FIRRM: variants seen among roughly 807,000 people sequenced by gnomAD.
FIRRM encodes the protein FIGNL1 interacting regulator of recombination and mitosis.
At chr1:169,846,497 T>C in the FIRRM span, among the ~76,000 whole-genome samples, 2 of 152,192 alleles carry the variant, frequency 1.3e-5, no homozygotes, top group Admixed American at 1.3e-4. Context: ...AAATATATTG[T>C]TTAATGCAAC....
the FIRRM span, chr1:169,830,796 T>G: frequency 6.8e-7 from 1 of 1,471,696 alleles, no homozygotes; most frequent in Non-Finnish European, 9.5e-7. Flanking sequence ...TGCACTTCCT[T>G]TGGGGATATG....
chr1:169,814,447 G>T, the FIRRM span, among the ~76,000 whole-genome samples: 1 of 152,100 alleles, frequency 6.6e-6, no homozygotes, highest in Non-Finnish European at 1.5e-5. Context: ...ACTTCCTGTT[G>T]CTGTTACTGT....
At chr1:169,789,069 G>C in the FIRRM span, among the ~76,000 whole-genome samples, 2 of 152,282 alleles carry the variant, frequency 1.3e-5, no homozygotes, top group Admixed American at 1.3e-4. Flanking sequence ...ACAAAGCACA[G>C]AGCAACTTCT....
chr1:169,785,757 G>C, the FIRRM span, among the ~76,000 whole-genome samples: 1 of 152,130 alleles, frequency 6.6e-6, no homozygotes, highest in East Asian at 1.9e-4. Flanking sequence ...TTCTCACTTA[G>C]GGCTATAGAT....
the FIRRM span, chr1:169,823,523 A>G: frequency 1.7e-6 from 2 of 1,169,146 alleles, no homozygotes; most frequent in African/African-American, 1.6e-5. Context: ...CATCTGTGCC[A>G]TGCAGTGCTT....
the FIRRM span, chr1:169,852,322 C>A: frequency 3.4e-6 from 1 of 296,106 alleles, no homozygotes; most frequent in African/African-American, 2.2e-5. Context: ...AACTGAAGAT[C>A]ACATCTACTT....
the FIRRM span, chr1:169,842,496 T>C: frequency 1.9e-6 from 3 of 1,614,010 alleles, no homozygotes; most frequent in Non-Finnish European, 8.5e-7. Flanking sequence ...ACTGCAATTA[T>C]CGAAGTTGTG....
chr1:169,827,631 C>G, the FIRRM span: 1 of 1,517,468 alleles, frequency 6.6e-7, no homozygotes, highest in Non-Finnish European at 9.1e-7. Context: ...GAGTGAGACT[C>G]TGACTCAAAC....
At chr1:169,790,045 T>C in the FIRRM span, among the ~76,000 whole-genome samples, 15 of 152,324 alleles carry the variant, frequency 9.8e-5, no homozygotes, top group East Asian at 2.7e-3. Context: ...TAAATGATAC[T>C]GTTACATGAG....
the FIRRM span, chr1:169,853,935 T>G: frequency 4.1e-5 from 32 of 778,826 alleles, no homozygotes; most frequent in Non-Finnish European, 6.5e-5. Flanking sequence ...AGTTGAAAAG[T>G]AGGATTACAA....
chr1:169,786,770 T>G, the FIRRM span, among the ~76,000 whole-genome samples: 3 of 152,304 alleles, frequency 2.0e-5, no homozygotes, highest in South Asian at 6.2e-4. Flanking sequence ...TAGAAATTTC[T>G]TTTCCTATTT....
the FIRRM span, among the ~76,000 whole-genome samples, chr1:169,846,377 A>G: frequency 6.6e-6 from 1 of 152,144 alleles, no homozygotes; most frequent in Non-Finnish European, 1.5e-5. Flanking sequence ...AGCCCCCAAG[A>G]AGAGAGTCTG....
At chr1:169,823,438 T>C in the FIRRM span, 1 of 1,605,340 alleles carries the variant, frequency 6.2e-7, no homozygotes. Flanking sequence ...TGATTCTTGC[T>C]GTACTTTGCA....
the FIRRM span, chr1:169,807,717 G>T: frequency 7.7e-7 from 1 of 1,298,322 alleles, no homozygotes; most frequent in South Asian, 1.7e-5. Context: ...CTACAAGGTA[G>T]ATATTGTTAG....
chr1:169,811,785 TAGAC>T, the FIRRM span, among the ~76,000 whole-genome samples: 40 of 145,526 alleles, frequency 2.7e-4, no homozygotes, highest in African/African-American at 7.5e-4. Flanking sequence ...AAATAGATAA[TAGAC>T]AGATTATCTA....
chr1:169,853,812 AATC>A, the FIRRM span: 3 of 1,589,976 alleles, frequency 1.9e-6, no homozygotes, highest in African/African-American at 4.1e-5. Flanking sequence ...CACTGAAACA[AATC>A]ATATGCAAAA....
chr1:169,786,571 T>C, the FIRRM span, among the ~76,000 whole-genome samples: 1 of 151,974 alleles, frequency 6.6e-6, no homozygotes, highest in Non-Finnish European at 1.5e-5. Flanking sequence ...ATTCTCCCTT[T>C]AAAAAAAATG....
the FIRRM span, chr1:169,795,145 G>C: frequency 3.9e-6 from 6 of 1,535,954 alleles, no homozygotes; most frequent in Non-Finnish European, 3.5e-6. Context: ...GGTTCCCCTG[G>C]AAGAATTAAG....
the FIRRM span, chr1:169,803,227 A>T: frequency 6.2e-7 from 1 of 1,614,058 alleles, no homozygotes; most frequent in Non-Finnish European, 8.5e-7. Context: ...TGTGCCACAC[A>T]GGAATCCATC....
Sources: allele counts gnomAD v4.1 joint callset (sites outside exome capture counted in the v4.1 genomes callset), GRCh38; gene constraint gnomAD v4.1.1; transcripts MANE v1.5; gene names NCBI Gene and HGNC (gene_info 2026-07-23, HGNC 2026-07-21).